Variants in PRLR observed in about 807,000 individuals in gnomAD.
The protein encoded by PRLR is prolactin receptor.
PRLR carries 13 observed loss-of-function variants against 40.2 expected under a neutral mutation model. The ratio of observed to expected loss-of-function variants is 0.32; its 90% CI spans 0.21 to 0.51. PRLR has a LOEUF of 0.51. Ranked by LOEUF, PRLR falls within the 20% of genes least tolerant of loss-of-function variation. PRLR has a pLI of 0.97. For missense variants in PRLR, 656 were observed against 747.3 expected (o/e 0.88, Z 1.42); for synonymous variants, 269 against 278.7 (o/e 0.97, Z 0.35).
chr5:35,221,246 AG>A (rs1253315072), intron 1 of PRLR, among the ~76,000 whole-genome samples: 1 of 152,238 alleles, frequency 6.6e-6, no homozygotes, highest in Non-Finnish European at 1.5e-5. Flanking sequence ...CAAGAAAGCA[AG>A]TCTTGGTTAA....
chr5:35,215,414 G>A lies in PRLR; in HGVS notation c.-106+14854C>T, dbSNP rs142674741. 1.5e-3 allele frequency among the ~76,000 whole-genome samples: 233 copies of A among 152,274 alleles called. 2 individuals carry two copies. The highest frequency in any genetic ancestry group is 3.4e-3 in the Middle Eastern group (1 of 294). On this transcript the variant is annotated intron_variant, in intron 1 of 9. Coordinates refer to ENST00000618457, the MANE Select transcript of PRLR (RefSeq NM_000949.7). ...ACTGTACATGTGTTGGTGTCCCCCA[G>A]TAAATCATGAACTCTTGGTGAGGAT...
intron 1 of PRLR, among the ~76,000 whole-genome samples, chr5:35,125,711 A>G (rs988640775): frequency 1.3e-5 from 2 of 152,246 alleles, no homozygotes; most frequent in African/African-American, 2.4e-5. Context: ...GAGAACATCT[A>G]AAAGTATAAG....
chr5:35,181,293 C>T (rs1454469785), intron 1 of PRLR, among the ~76,000 whole-genome samples: 1 of 151,082 alleles, frequency 6.6e-6, no homozygotes, highest in African/African-American at 2.5e-5. Context: ...CATTGTTTTA[C>T]ATTAACTAGG....
chr5:35,127,127 A>T (rs796790682), intron 1 of PRLR, among the ~76,000 whole-genome samples: 17 of 152,296 alleles, frequency 1.1e-4, no homozygotes, highest in African/African-American at 4.1e-4. Context: ...TTCATACTTA[A>T]GCCAGAAGCT....
At chr5:35,099,759 G>T (rs1308814420) in intron 2 of PRLR, among the ~76,000 whole-genome samples, 2 of 152,050 alleles carry the variant, frequency 1.3e-5, no homozygotes, top group Non-Finnish European at 2.9e-5. Context: ...TAATGAAAAA[G>T]TTTAAAAAGT....
At chr5:35,085,680 C>T (rs1055240301) in intron 4 of PRLR, among the ~76,000 whole-genome samples, 1 of 152,076 alleles carries the variant, frequency 6.6e-6, no homozygotes, top group African/African-American at 2.4e-5. Flanking sequence ...CCACTTCACA[C>T]GATCCTACTT....
chr5:35,168,816 G>C (rs1363747117), intron 1 of PRLR, among the ~76,000 whole-genome samples: 1 of 152,092 alleles, frequency 6.6e-6, no homozygotes, highest in African/African-American at 2.4e-5. Context: ...ACTGCGAGTT[G>C]ATAAAACGAT....
intron 1 of PRLR, among the ~76,000 whole-genome samples, chr5:35,218,884 G>A (rs1041606255): frequency 5.9e-5 from 9 of 152,042 alleles, no homozygotes; most frequent in Admixed American, 5.2e-4. Flanking sequence ...GGTTTCTTCA[G>A]TCTTTGATAA....
intron 2 of PRLR, among the ~76,000 whole-genome samples, chr5:35,105,563 C>T (rs1046192596): frequency 2.6e-5 from 4 of 151,980 alleles, no homozygotes; most frequent in Non-Finnish European, 4.4e-5. Flanking sequence ...AACCATGGCA[C>T]GAGAACTATA....
In PRLR at chr5:35,105,210, C is replaced by A. The variant is rs186489324; in HGVS notation, c.-44+12851G>T. The stretch of plus-strand genomic sequence containing the variant: ...AACAGAAAGACATTCACACCAAAAC[C>A]GCATCTGTACATCACCATCATCAAA... On this transcript the variant is annotated intron_variant, in intron 2 of 9. Transcript: ENST00000618457. Among the ~76,000 whole-genome samples the A allele has an allele frequency of 4.6e-5, 7 of 152,258 alleles. No homozygotes were observed. In the East Asian group the frequency reaches 1.4e-3, roughly 29 times the overall value.
chr5:35,162,624 G>A (rs1774706142), intron 1 of PRLR, among the ~76,000 whole-genome samples: 1 of 152,212 alleles, frequency 6.6e-6, no homozygotes, highest in South Asian at 2.1e-4. Flanking sequence ...CAACAGGAGG[G>A]TCAGAGCTGA....
chr5:35,115,540 G>T (rs1772963063), intron 2 of PRLR, among the ~76,000 whole-genome samples: 1 of 152,172 alleles, frequency 6.6e-6, no homozygotes, highest in African/African-American at 2.4e-5. Flanking sequence ...ATCCTCCCGA[G>T]GACCCTGGGC....
chr5:35,160,568 G>C (rs1462955459), intron 1 of PRLR, among the ~76,000 whole-genome samples: 2 of 152,196 alleles, frequency 1.3e-5, no homozygotes, highest in Non-Finnish European at 2.9e-5. Context: ...GGGAGGAGAG[G>C]AGCCTGAATT....
intron 1 of PRLR, among the ~76,000 whole-genome samples, chr5:35,220,797 C>T (rs760708323): frequency 3.9e-5 from 6 of 152,212 alleles, no homozygotes; most frequent in African/African-American, 9.6e-5. Context: ...ATCCCACAAT[C>T]TCAGCACCCC....
At chr5:35,048,951 G>T (rs535884298) in exon 9 of PRLR, 61 of 379,836 alleles carry the variant, frequency 1.6e-4, no homozygotes, top group African/African-American at 1.1e-3. Context: ...CCCTGTAAGG[G>T]AGACAACTGA....
chr5:35,159,170 C>T (rs1297184843), intron 1 of PRLR, among the ~76,000 whole-genome samples: 6 of 152,056 alleles, frequency 3.9e-5, no homozygotes, highest in Admixed American at 3.9e-4. Context: ...GATTACAGTT[C>T]TAGTGACACA....
chr5:35,170,281 T>A (rs1180524354), intron 1 of PRLR, among the ~76,000 whole-genome samples: 3 of 152,200 alleles, frequency 2.0e-5, no homozygotes, highest in African/African-American at 7.2e-5. Flanking sequence ...AATTCAAGCA[T>A]CATTAGAAGT....
intron 8 of PRLR, among the ~76,000 whole-genome samples, chr5:35,050,381 A>G (rs112011212): frequency 6.6e-6 from 1 of 152,310 alleles, no homozygotes; most frequent in Non-Finnish European, 1.5e-5. Flanking sequence ...TAAAACTCCA[A>G]TTAAACAGAT....
intron 1 of PRLR, among the ~76,000 whole-genome samples, chr5:35,219,808 G>C (rs1183946393): frequency 2.0e-5 from 3 of 152,274 alleles, no homozygotes; most frequent in African/African-American, 7.2e-5. Flanking sequence ...AACAAGTTAA[G>C]GTTAAAATTC....
Sources: allele counts gnomAD v4.1 joint callset (sites outside exome capture counted in the v4.1 genomes callset), GRCh38; gene constraint gnomAD v4.1.1; transcripts MANE v1.5; gene names NCBI Gene and HGNC (gene_info 2026-07-23, HGNC 2026-07-21).